ARHGAP26: variants seen among roughly 807,000 people sequenced by gnomAD.
ARHGAP26 encodes the protein rho GTPase-activating protein 26.
ARHGAP26 carries 38 observed loss-of-function variants against 104.8 expected under a neutral mutation model. The observed-to-expected ratio is 0.36, with a 90% CI of 0.28 to 0.48. ARHGAP26 has a LOEUF of 0.48. Ranked by LOEUF, ARHGAP26 falls within the 20% of genes least tolerant of loss-of-function variation. ARHGAP26 has a pLI of 0.99. For missense variants in ARHGAP26, 704 were observed against 947.9 expected (o/e 0.74, Z 3.38); for synonymous variants, 341 against 340.0 (o/e 1.00, Z -0.03).
chr5:143,082,009 C>CAAAAA (rs71576162), intron 17 of ARHGAP26, among the ~76,000 whole-genome samples: 7 of 38,256 alleles, frequency 1.8e-4, no homozygotes, highest in South Asian at 7.7e-4. Flanking sequence ...GACTCCATCT[C>CAAAAA]AAAAAAAAAA....
chr5:143,087,974 T>G (rs1598953487), intron 17 of ARHGAP26, among the ~76,000 whole-genome samples: 2 of 152,110 alleles, frequency 1.3e-5, no homozygotes, highest in South Asian at 4.2e-4. Context: ...TTTAGAAGAG[T>G]GAGTCCTTCT....
chr5:142,841,802 G>A (rs891727610), intron 1 of ARHGAP26, among the ~76,000 whole-genome samples: 1 of 152,246 alleles, frequency 6.6e-6, no homozygotes, highest in Non-Finnish European at 1.5e-5. Flanking sequence ...TGCCTGAGTC[G>A]TGTGGAAGGA....
At chr5:143,142,969 C>T (rs899058801) in intron 19 of ARHGAP26, among the ~76,000 whole-genome samples, 1 of 152,030 alleles carries the variant, frequency 6.6e-6, no homozygotes, top group African/African-American at 2.4e-5. Context: ...CTTTGTAAAA[C>T]TTCGCTCTGT....
chr5:142,786,835 CG>C (rs1207050049), intron 1 of ARHGAP26, among the ~76,000 whole-genome samples: 12 of 151,670 alleles, frequency 7.9e-5, no homozygotes, highest in Admixed American at 5.9e-4. Context: ...TTAGTAGAGA[CG>C]GGGTTTCACC....
At chr5:142,884,259 A>G (rs1409844617) in intron 4 of ARHGAP26, among the ~76,000 whole-genome samples, 2 of 152,186 alleles carry the variant, frequency 1.3e-5, no homozygotes, top group Non-Finnish European at 2.9e-5. Context: ...ACATTGTCCT[A>G]GGCTCCAATC....
intron 11 of ARHGAP26, among the ~76,000 whole-genome samples, chr5:142,957,685 G>A (rs879523175): frequency 6.6e-6 from 1 of 152,150 alleles, no homozygotes; most frequent in Non-Finnish European, 1.5e-5. Context: ...GCCTCTTCTC[G>A]CATTGCAGTG....
At chr5:143,036,783 C>G (rs1782703465) in intron 12 of ARHGAP26, among the ~76,000 whole-genome samples, 1 of 152,210 alleles carries the variant, frequency 6.6e-6, no homozygotes, top group South Asian at 2.1e-4. Context: ...CTATTTTAAG[C>G]ACTTACCCAA....
At chr5:142,867,533 C>T (rs1022292165) in intron 1 of ARHGAP26, among the ~76,000 whole-genome samples, 1 of 152,080 alleles carries the variant, frequency 6.6e-6, no homozygotes, top group Non-Finnish European at 1.5e-5. Context: ...TTCCCAGATA[C>T]GGGGAGAAAG....
At chr5:142,940,890 C>T (rs867790470) in intron 11 of ARHGAP26, among the ~76,000 whole-genome samples, 1 of 151,786 alleles carries the variant, frequency 6.6e-6, no homozygotes, top group Non-Finnish European at 1.5e-5. Flanking sequence ...TCCTGGCTAA[C>T]ACGGTGAAAC....
At chr5:142,879,961 T>C (rs1361656539) in intron 4 of ARHGAP26, among the ~76,000 whole-genome samples, 1 of 152,224 alleles carries the variant, frequency 6.6e-6, no homozygotes, top group African/African-American at 2.4e-5. Flanking sequence ...GCTGATTCTT[T>C]AAATGTTTCA....
At chr5:143,014,449 A>G (rs1354287327) in intron 12 of ARHGAP26, 2 of 296,966 alleles carry the variant, frequency 6.7e-6, no homozygotes, top group South Asian at 1.1e-4. Context: ...TAATACAACA[A>G]TACTCAACTC....
chr5:142,945,724 T>C (rs1562128516), intron 11 of ARHGAP26, among the ~76,000 whole-genome samples: 1 of 152,152 alleles, frequency 6.6e-6, no homozygotes, highest in Non-Finnish European at 1.5e-5. Context: ...TACAAAGAAT[T>C]CCAGAATACT....
intron 1 of ARHGAP26, among the ~76,000 whole-genome samples, chr5:142,786,638 T>C (rs1193949829): frequency 3.3e-5 from 5 of 150,920 alleles, no homozygotes; most frequent in Admixed American, 2.0e-4. Flanking sequence ...GTGAAACAGA[T>C]TTCTGGAGTT....
At chr5:143,081,014 G>A (rs1014305024) in intron 17 of ARHGAP26, among the ~76,000 whole-genome samples, 1 of 152,188 alleles carries the variant, frequency 6.6e-6, no homozygotes, top group African/African-American at 2.4e-5. Context: ...TATGTGTAGG[G>A]AAGGGGGATA....
chr5:142,799,543 AC>A (rs972321235), intron 1 of ARHGAP26, among the ~76,000 whole-genome samples: 2 of 152,190 alleles, frequency 1.3e-5, no homozygotes, highest in Non-Finnish European at 2.9e-5. Flanking sequence ...AATGACATGT[AC>A]CTTAGTTCGT....
At chr5:143,072,014 A>G (rs914801447) in intron 17 of ARHGAP26, among the ~76,000 whole-genome samples, 1 of 152,178 alleles carries the variant, frequency 6.6e-6, no homozygotes, top group Non-Finnish European at 1.5e-5. Flanking sequence ...AATGGGAGAA[A>G]ATGTTTGCAA....
At chr5:143,092,199 T>C (rs1458646503) in intron 17 of ARHGAP26, among the ~76,000 whole-genome samples, 2 of 121,448 alleles carry the variant, frequency 1.6e-5, no homozygotes, top group Non-Finnish European at 3.3e-5. Flanking sequence ...GGAGTCTCCC[T>C]CTCGCCCAGG....
intron 11 of ARHGAP26, among the ~76,000 whole-genome samples, chr5:142,951,216 C>T (rs143125172): frequency 1.1e-3 from 161 of 152,250 alleles, no homozygotes; most frequent in African/African-American, 3.6e-3. Flanking sequence ...TGTACCACCA[C>T]GCCCAGCAAA....
chr5:142,945,409 G>C (rs539918314), intron 11 of ARHGAP26, among the ~76,000 whole-genome samples: 75 of 152,226 alleles, frequency 4.9e-4, no homozygotes, highest in African/African-American at 1.7e-3. Flanking sequence ...ATATTTTCTG[G>C]AAGTTCCTTC....
Sources: gnomAD v4.1 joint callset for allele counts (sites outside exome capture counted in the v4.1 genomes callset) on GRCh38, gnomAD v4.1.1 for gene constraint, MANE v1.5 for transcripts, NCBI Gene and HGNC (gene_info 2026-07-23, HGNC 2026-07-21) for gene names.